The following PDE10A variants were observed in gnomAD, a reference collection of about 807,000 sequenced individuals.
The protein encoded by PDE10A is phosphodiesterase 10A.
PDE10A carries 39 observed loss-of-function variants against 97.7 expected under a neutral mutation model. The observed-to-expected ratio is 0.40, with a 90% CI of 0.31 to 0.52. The LOEUF is 0.52. PDE10A is among the 20% of genes least tolerant of loss of function. PDE10A has a pLI of 0.56. For synonymous variants in PDE10A, 371 were observed against 376.8 expected (o/e 0.98, Z 0.18); for missense variants, 731 against 1,047.8 (o/e 0.70, Z 4.17).
chr6:165,735,001 G>C (rs531326387), intron 1 of PDE10A, among the ~76,000 whole-genome samples: 1 of 145,782 alleles, frequency 6.9e-6, no homozygotes, highest in East Asian at 1.9e-4. Context: ...TAGTAGGTAG[G>C]TAGGTAGGTA....
At chr6:165,831,405 C>T (rs1779910914) in intron 1 of PDE10A, among the ~76,000 whole-genome samples, 1 of 147,054 alleles carries the variant, frequency 6.8e-6, no homozygotes, top group South Asian at 2.1e-4. Flanking sequence ...AAGGATTGCC[C>T]AGGATAAGAA....
intron 1 of PDE10A, among the ~76,000 whole-genome samples, chr6:165,943,779 T>C (rs1476320146): frequency 6.6e-6 from 1 of 152,222 alleles, no homozygotes; most frequent in East Asian, 1.9e-4. Context: ...CTCACAGACC[T>C]ACCCAGAAAT....
chr6:165,926,678 T>TCCACCAAATC lies in PDE10A; in HGVS notation c.-615+60850_-615+60851insGATTTGGTGG, dbSNP rs1782943824. 2.0e-5 allele frequency among the ~76,000 whole-genome samples: 3 copies of TCCACCAAATC among 151,840 alleles called. No individual in the cohort carries two copies. In the South Asian group the frequency reaches 6.2e-4, roughly 32 times the overall value. On this transcript the variant is annotated intron_variant, in intron 1 of 19. Coordinates refer to the PDE10A transcript ENST00000366882. ...ATCCAACCCGAGAAAAATCAGACTT[T>TCCACCAAATC]CCACCCAATCCCACCCAATGCTCAG...
intron 1 of PDE10A, among the ~76,000 whole-genome samples, chr6:165,559,545 T>C (rs1236607473): frequency 6.6e-6 from 1 of 152,250 alleles, no homozygotes; most frequent in East Asian, 1.9e-4. Context: ...AACAAGATTA[T>C]ACAGTAAGCC....
At chr6:165,678,193 G>A (rs1790867893) in intron 1 of PDE10A, among the ~76,000 whole-genome samples, 2 of 112,362 alleles carry the variant, frequency 1.8e-5, no homozygotes, top group South Asian at 3.6e-4. Flanking sequence ...GTGTGTCTGT[G>A]TATGTATATG....
rs982749514 is a variant in PDE10A, at chr6:165,935,904, C to G, written c.-615+51625G>C. 5.3e-5 allele frequency among the ~76,000 whole-genome samples: 8 copies of G among 152,298 alleles called. No homozygotes were observed. In the South Asian group the frequency reaches 1.7e-3, roughly 32 times the overall value. On this transcript the variant is annotated intron_variant, in intron 1 of 19. Coordinates refer to the PDE10A transcript ENST00000366882. ...ATACAGCCCCTCGCTCTTGGACTTCCCAGCCTCCAGAACTGTGAGCCAAAT... is the reference window on the plus strand; with the variant it reads ...ATACAGCCCCTCGCTCTTGGACTTCGCAGCCTCCAGAACTGTGAGCCAAAT...
intron 1 of PDE10A, among the ~76,000 whole-genome samples, chr6:165,848,350 G>T (rs1295025057): frequency 2.6e-5 from 4 of 152,008 alleles, no homozygotes; most frequent in Non-Finnish European, 5.9e-5. Context: ...GCTCCACGGG[G>T]CGGTGGCATC....
At chr6:165,918,181 G>A (rs1171527687) in intron 1 of PDE10A, among the ~76,000 whole-genome samples, 1 of 152,084 alleles carries the variant, frequency 6.6e-6, no homozygotes, top group Non-Finnish European at 1.5e-5. Flanking sequence ...ATGTATTTTT[G>A]TTTTGTTTTG....
chr6:165,717,680 C>T (rs1184001571), intron 1 of PDE10A, among the ~76,000 whole-genome samples: 1 of 152,086 alleles, frequency 6.6e-6, no homozygotes, highest in Admixed American at 6.5e-5. Context: ...TTCCGTAATT[C>T]TATGTTTAAT....
intron 18 of PDE10A, among the ~76,000 whole-genome samples, chr6:165,377,662 G>GA (rs1227026195): frequency 6.6e-6 from 1 of 152,044 alleles, no homozygotes; most frequent in Non-Finnish European, 1.5e-5. Flanking sequence ...AGAAAAAAAA[G>GA]AAAGTGTATG....
At chr6:165,617,988 G>A (rs532820705) in intron 1 of PDE10A, among the ~76,000 whole-genome samples, 25 of 152,242 alleles carry the variant, frequency 1.6e-4, no homozygotes, top group Non-Finnish European at 3.2e-4. Context: ...CTTAAGGCCA[G>A]GAGTTCAAAA....
At chr6:165,344,853 T>C (rs181190285) in intron 18 of PDE10A, among the ~76,000 whole-genome samples, 186 of 152,288 alleles carry the variant, frequency 1.2e-3, no homozygotes, top group African/African-American at 4.1e-3. Context: ...CAAACATTGG[T>C]TAGATTTATG....
At chr6:165,908,761 T>C (rs991910024) in intron 1 of PDE10A, 1 of 152,258 alleles carries the variant, frequency 6.6e-6, no homozygotes, top group East Asian at 1.9e-4. Context: ...CACTGAGTAG[T>C]AAATCTCCAG....
chr6:165,822,094 T>C (rs1457795651), intron 1 of PDE10A, among the ~76,000 whole-genome samples: 1 of 152,238 alleles, frequency 6.6e-6, no homozygotes, highest in Non-Finnish European at 1.5e-5. Context: ...CCTACAAACT[T>C]AAATACAATC....
intron 5 of PDE10A, among the ~76,000 whole-genome samples, chr6:165,437,519 C>A (rs1246528970): frequency 1.3e-5 from 2 of 152,000 alleles, no homozygotes; most frequent in African/African-American, 2.4e-5. Flanking sequence ...CAACTACTTG[C>A]TAGAATATGA....
intron 1 of PDE10A, among the ~76,000 whole-genome samples, chr6:165,687,547 A>T (rs1791155151): frequency 6.6e-6 from 1 of 152,124 alleles, no homozygotes; most frequent in Non-Finnish European, 1.5e-5. Flanking sequence ...TTCAATGCTG[A>T]CTCTCAGTAT....
intron 1 of PDE10A, among the ~76,000 whole-genome samples, chr6:165,621,434 G>A (rs1038589039): frequency 3.9e-5 from 6 of 152,130 alleles, no homozygotes; most frequent in African/African-American, 1.4e-4. Context: ...ATCTCCGGCA[G>A]GCTGCATACG....
intron 18 of PDE10A, among the ~76,000 whole-genome samples, chr6:165,367,256 TG>T (rs1783836718): frequency 6.6e-6 from 1 of 151,810 alleles, no homozygotes; most frequent in Admixed American, 6.6e-5. Flanking sequence ...TGTGTGTGTG[TG>T]TGTGTGCGTG....
In PDE10A at chr6:165,758,074, T is replaced by C. The variant is rs566102255; in HGVS notation, c.-614-214506A>G. 2.6e-5 allele frequency among the ~76,000 whole-genome samples: 4 copies of C among 152,348 alleles called. No individual in the cohort carries two copies. In the South Asian group the frequency reaches 8.3e-4, roughly 32 times the overall value. On this transcript the variant is annotated intron_variant, in intron 1 of 19. Coordinates refer to the PDE10A transcript ENST00000366882. Reference sequence around the variant, plus strand: ...TCACCTGAACTGTCATTAGTGACAATAAGTGGAAGGTTATGATTGATGCTA... The same window carrying C: ...TCACCTGAACTGTCATTAGTGACAACAAGTGGAAGGTTATGATTGATGCTA...
Sources: gnomAD v4.1 joint callset for allele counts (sites outside exome capture counted in the v4.1 genomes callset) on GRCh38, gnomAD v4.1.1 for gene constraint, MANE v1.5 for transcripts, NCBI Gene and HGNC (gene_info 2026-07-23, HGNC 2026-07-21) for gene names.